The following ATAD2B variants were observed in gnomAD, a reference collection of about 807,000 sequenced individuals.
The protein encoded by ATAD2B is ATPase family AAA domain containing 2B.
In ATAD2B, 40 loss-of-function variants were observed where a neutral mutation model predicts 167.6. That is an observed-to-expected ratio of 0.24 (90% CI 0.19 to 0.31). The LOEUF is 0.31. ATAD2B is among the 10% of genes least tolerant of loss of function. ATAD2B has a pLI of 1.00. For synonymous variants in ATAD2B, 579 were observed against 596.5 expected, an observed-to-expected ratio of 0.97 and a Z score of 0.43; for missense variants, 1,242 against 1,757.2, an observed-to-expected ratio of 0.71 and a Z score of 5.24.
chr2:23,780,660 G>A (rs545660360), intron 22 of ATAD2B, among the ~76,000 whole-genome samples: 8 of 152,272 alleles, frequency 5.3e-5, no homozygotes, highest in Admixed American at 3.9e-4. Context: ...AGCACTCTGG[G>A]AGGCCGAGAG....
chr2:23,883,428 C>T (rs1055107389), intron 6 of ATAD2B, among the ~76,000 whole-genome samples: 38 of 152,076 alleles, frequency 2.5e-4, no homozygotes, highest in African/African-American at 8.9e-4. Flanking sequence ...AATACTTGTA[C>T]CTAAATAAGT....
rs1441653044 is a variant in ATAD2B at position 23,869,480 on chromosome 2, G to A, written c.1076+183C>T. On this transcript the variant is annotated intron_variant, in intron 9 of 27. Transcript: ENST00000238789. ...AATTATTTTATCGTAAGTACTTTCA[G>A]ACTAAATGATTTTGGGGAAAGGTTA... is the stretch of plus-strand genomic sequence containing the variant. The A allele has an allele frequency of 7.0e-6, 4 of 573,974 alleles. No individual in the cohort carries two copies. The East Asian group carries it at 1.2e-4, about 17-fold the overall frequency. 35.6% of individuals were successfully genotyped at this position (573,974 alleles called of 1,614,324 possible).
At chr2:23,732,323 A>AG in the ATAD2B span, among the ~76,000 whole-genome samples, 4 of 152,232 alleles carry the variant, frequency 2.6e-5, no homozygotes, top group Non-Finnish European at 5.9e-5. Flanking sequence ...ATGACAAAGG[A>AG]GAAAAAAAAC....
rs543873774 is a variant in ATAD2B at position 23,887,232 on chromosome 2, C to G, written c.572+600G>C. On this transcript the variant is annotated intron_variant, in intron 4 of 27. Coordinates refer to ENST00000238789, the MANE Select transcript of ATAD2B (RefSeq NM_017552.4). Reference sequence around the variant, plus strand: ...TGAGCCAAGATCGCGTCACTGCACTCCAGCCTGGGCGAGGGATTGAGGTCT... The same window carrying G: ...TGAGCCAAGATCGCGTCACTGCACTGCAGCCTGGGCGAGGGATTGAGGTCT... Among the ~76,000 whole-genome samples the G allele has an allele frequency of 1.6e-3, 248 of 152,150 alleles. 1 individual carries two copies. The highest frequency in any genetic ancestry group is 5.8e-3 in the African/African-American group (240 of 41,534).
At chr2:23,914,840 CAAA>C (rs375215142) in intron 1 of ATAD2B, among the ~76,000 whole-genome samples, 4 of 82,682 alleles carry the variant, frequency 4.8e-5, no homozygotes, top group Non-Finnish European at 2.4e-5. Flanking sequence ...GACTCCGTCT[CAAA>C]AAAAAAAAAA....
In ATAD2B at chr2:23,786,191, G is replaced by C. The variant is rs202100056; in HGVS notation, c.2809C>G (p.Leu937Val). The C allele has an allele frequency of 4.4e-6, 7 of 1,589,282 alleles. No individual in the cohort carries two copies. The East Asian group carries it at 1.4e-4, about 31-fold the overall frequency. The change falls in exon 21 of 28, where the codon CTA becomes GTA. Residue 937 changes from leucine (L) to valine (V), a missense_variant. By Grantham distance (32) the Leu-to-Val change is conservative (BLOSUM62 1). This residue lies in a region of ATAD2B where 204 missense variants were observed against 324.0 expected (regional missense o/e 0.63). Transcript: ENST00000238789. ...LCAMEVLPLA[L>V]PSPPRQLSES... ...GATAATTGACGAGGTGGAGAAGGTA[G>C]TGCAAGAGGAAGCACTTCCATAGCA...
chr2:23,747,748 A>G (rs1178613934), downstream of ATAD2B, among the ~76,000 whole-genome samples: 1 of 152,176 alleles, frequency 6.6e-6, no homozygotes, highest in African/African-American at 2.4e-5. Context: ...TGTCAGGCAC[A>G]TAACAAACAT....
chr2:23,758,176 G>A (rs2149310154), intron 24 of ATAD2B, 75 bp from the exon 25 acceptor site: 1 of 1,219,440 alleles, frequency 8.2e-7, no homozygotes, highest in East Asian at 2.4e-5. Context: ...TTATTAAACA[G>A]GACCCAAAAG....
the ATAD2B span, among the ~76,000 whole-genome samples, chr2:23,679,253 G>A: frequency 6.6e-6 from 1 of 151,810 alleles, no homozygotes; most frequent in African/African-American, 2.4e-5. Flanking sequence ...TTGTGATCCT[G>A]GTTTAGCAGT....
the ATAD2B span, chr2:23,684,433 G>A: frequency 8.4e-6 from 13 of 1,549,550 alleles, no homozygotes; most frequent in Middle Eastern, 3.3e-4. This position sits in a 1 kb window ranked among gnomAD's most constrained non-coding sequence, Gnocchi z 4.4. Context: ...AACGCAGAGC[G>A]AAAGCGTTTA....
the ATAD2B span, chr2:23,697,715 A>C: frequency 6.6e-6 from 1 of 151,026 alleles, no homozygotes; most frequent in Admixed American, 6.6e-5. Flanking sequence ...TAGTTATCAT[A>C]TTGATCTGGC....
chr2:23,843,634 C>T (rs924630908), intron 13 of ATAD2B, among the ~76,000 whole-genome samples: 2 of 152,160 alleles, frequency 1.3e-5, no homozygotes, highest in Admixed American at 6.5e-5. Flanking sequence ...GGAGACTGCT[C>T]CACAGAAAGC....
intron 26 of ATAD2B, among the ~76,000 whole-genome samples, 156 bp downstream of exon 26, chr2:23,754,491 A>G (rs1382215525): frequency 6.6e-6 from 1 of 152,142 alleles, no homozygotes; most frequent in African/African-American, 2.4e-5. Context: ...GTATCTTTCA[A>G]CTCCTTAAAA....
rs778181857 is a variant in ATAD2B, at chr2:23,863,550, C to G, written c.1310G>C (p.Cys437Ser). The G allele has an allele frequency of 2.6e-6, 4 of 1,566,580 alleles. No homozygotes were observed. Among genetic ancestry groups the G allele is most frequent in the Non-Finnish European group, 3.5e-6 (4 of 1,155,404 alleles). Residue 437 changes from cysteine (C) to serine (S), a missense_variant, in exon 12 of 28, where the codon TGT (cysteine) becomes TCT (serine). By Grantham distance (112) the Cys-to-Ser change is moderately radical. This residue lies in a region of ATAD2B where 151 missense variants were observed against 284.1 expected (regional missense o/e 0.53). Coordinates refer to ENST00000238789, the MANE Select transcript of ATAD2B (RefSeq NM_017552.4). ...TGTGCCAGGAGGGCCATAAAACAAA[C>G]AGCCCCTAGAAGAATAAAAAAATCA... ...EKFKIQPPRG[C>S]LFYGPPGTGK... is the part of the protein sequence containing the mutation.
At chr2:23,801,141 GTCTGT>G (rs1683429824) in intron 18 of ATAD2B, among the ~76,000 whole-genome samples, 1 of 151,966 alleles carries the variant, frequency 6.6e-6, no homozygotes, top group East Asian at 1.9e-4. Context: ...TTTATAACCA[GTCTGT>G]TCTAATTCCC....
chr2:23,738,333 A>C, the ATAD2B span, among the ~76,000 whole-genome samples: 1 of 152,380 alleles, frequency 6.6e-6, no homozygotes, highest in Non-Finnish European at 1.5e-5. Context: ...GAAGCCCATC[A>C]GACTAACAGC....
At chr2:23,814,240 T>G (rs954240464) in intron 17 of ATAD2B, among the ~76,000 whole-genome samples, 1 of 152,060 alleles carries the variant, frequency 6.6e-6, no homozygotes, top group African/African-American at 2.4e-5. Context: ...AAAGAGAAAA[T>G]AGAAATAGGA....
the ATAD2B span, among the ~76,000 whole-genome samples, chr2:23,743,562 CAAAA>C: frequency 2.4e-5 from 2 of 83,180 alleles, no homozygotes; most frequent in Non-Finnish European, 2.4e-5. Context: ...AAATCCGACT[CAAAA>C]AAAAAAAAAA....
the ATAD2B span, among the ~76,000 whole-genome samples, chr2:23,712,513 A>C: frequency 1.3e-5 from 2 of 152,206 alleles, no homozygotes; most frequent in Admixed American, 1.3e-4. Flanking sequence ...GGAGTTCCTC[A>C]CATGCTTGTG....
Sources: gnomAD v4.1 joint callset for allele counts (sites outside exome capture counted in the v4.1 genomes callset) on GRCh38, gnomAD v4.1.1 for gene constraint, gnomAD v4.1.1 regional missense constraint, Gnocchi (gnomAD v3.1) non-coding constraint, MANE v1.5 for transcripts, NCBI Gene and HGNC (gene_info 2026-07-23, HGNC 2026-07-21) for gene names.